Variants in DOCK10 observed in about 807,000 individuals in gnomAD.
DOCK10 encodes dedicator of cytokinesis protein 10.
Under a neutral mutation model 280.1 loss-of-function variants are expected in DOCK10, and 145 were observed. The ratio of observed to expected loss-of-function variants is 0.52; its 90% CI spans 0.45 to 0.59. DOCK10 has a LOEUF of 0.59. Ranked by LOEUF, DOCK10 falls within the 20% of genes least tolerant of loss-of-function variation. The pLI is 0.00. For missense variants in DOCK10, 2,368 were observed against 2,651.7 expected, an observed-to-expected ratio of 0.89 and a Z score of 2.35; for synonymous variants, 915 against 942.2, an observed-to-expected ratio of 0.97 and a Z score of 0.53.
chr2:224,770,075 GAGAAC>G lies in DOCK10; in HGVS notation c.6444+131_6444+135del. The G allele has an allele frequency of 9.8e-7, 1 of 1,024,478 alleles. No individual in the cohort carries two copies. The highest frequency in any genetic ancestry group is 1.3e-6 in the Non-Finnish European group (1 of 752,970). The allele number at this position is 1,024,478 out of a possible 1,614,324, so 63.5% of individuals were successfully genotyped here. A position where few individuals can be genotyped will look rare whatever the true frequency, so the allele number is the denominator to read the frequency against. ...GGCACGAGGTGGTGTGCACGGGAGAGAGAACAGATCAGCAACATGGTGCTGATGCA... is the reference window on the plus strand; with the variant it reads ...GGCACGAGGTGGTGTGCACGGGAGAGAGATCAGCAACATGGTGCTGATGCA... On this transcript the variant is annotated intron_variant, in intron 55 of 55. Transcript: ENST00000258390. This position sits in a 1 kb window ranked among gnomAD's most constrained non-coding sequence, Gnocchi z 4.5.
At chr2:224,969,096 TC>T (rs1378265816) in intron 1 of DOCK10, among the ~76,000 whole-genome samples, 3 of 152,220 alleles carry the variant, frequency 2.0e-5, no homozygotes, top group Admixed American at 2.0e-4. Context: ...TTTGGCGGTC[TC>T]AGTTTGAAAT....
chr2:224,890,805 G>T (rs761800005), intron 4 of DOCK10, among the ~76,000 whole-genome samples: 3 of 152,180 alleles, frequency 2.0e-5, no homozygotes, highest in Non-Finnish European at 4.4e-5. Flanking sequence ...CTCTTTGGGG[G>T]TGATAACATT....
In DOCK10 at chr2:224,808,028, A is replaced by C; in HGVS notation, c.3468T>G (p.Ile1156Met). Residue 1156 changes from isoleucine to methionine, a missense_variant, in exon 32 of 56, where the codon ATT becomes ATG. Physicochemically the swap from Ile to Met is conservative, Grantham distance 10. This residue lies in a region of DOCK10 where 1,159 missense variants were observed against 1,400.8 expected (regional missense o/e 0.83). Transcript: ENST00000258390. ...GGGCAAAGCCAACTTCTCGGAGCAG[A>C]ATTCCGATTAAGAAGTGTTTGCGAC... ...EFCRKHFLIG[I>M]LLREVGFALQ... 6.2e-7 allele frequency: 1 copy of C among 1,612,852 alleles called. No homozygotes were observed. The highest frequency in any genetic ancestry group is 1.1e-5 in the South Asian group (1 of 90,888).
At chr2:225,036,270 G>A (rs1442537660) in intron 1 of DOCK10, among the ~76,000 whole-genome samples, 7 of 152,128 alleles carry the variant, frequency 4.6e-5, no homozygotes, top group Admixed American at 2.0e-4. Context: ...GGTAGATGGA[G>A]GAGAGAATAT....
chr2:224,773,724 T>C (rs1398053424), intron 52 of DOCK10, among the ~76,000 whole-genome samples: 1 of 151,952 alleles, frequency 6.6e-6, no homozygotes, highest in African/African-American at 2.4e-5. Flanking sequence ...CTCCGCCTTC[T>C]GGGTTCAAGT....
chr2:224,862,258 G>A lies in DOCK10; in HGVS notation c.1685+406C>T, dbSNP rs541215909. 3.8e-5 allele frequency: 6 copies of A among 159,882 alleles called. No homozygotes were observed. In the East Asian group the frequency reaches 8.9e-4, roughly 24 times the overall value. 9.9% of individuals were successfully genotyped at this position (159,882 alleles called of 1,614,324 possible). ...GTCCATATATAGACCTGAGCTCTAC[G>A]CATAAATGAAAACAAACAGCTGCAT... On this transcript the variant is annotated intron_variant, in intron 14 of 55. Coordinates refer to ENST00000258390, the MANE Select transcript of DOCK10 (RefSeq NM_014689.3).
intron 26 of DOCK10, among the ~76,000 whole-genome samples, chr2:224,831,059 G>A (rs867397498): frequency 7.9e-5 from 12 of 151,938 alleles, no homozygotes; most frequent in Middle Eastern, 6.8e-3. Flanking sequence ...TCAGTCTCCC[G>A]GACAGCTGCG....
intron 39 of DOCK10, among the ~76,000 whole-genome samples, chr2:224,802,357 G>A (rs1693072183): frequency 6.6e-6 from 1 of 152,106 alleles, no homozygotes; most frequent in Non-Finnish European, 1.5e-5. Context: ...GTTGGCTACT[G>A]GCTGATCAGG....
At chr2:224,986,872 T>C (rs1705988881) in intron 1 of DOCK10, among the ~76,000 whole-genome samples, 1 of 152,154 alleles carries the variant, frequency 6.6e-6, no homozygotes, top group African/African-American at 2.4e-5. Flanking sequence ...GGGAAAACCA[T>C]ATTCTAACAG....
intron 1 of DOCK10, among the ~76,000 whole-genome samples, chr2:224,964,668 C>G (rs1383658059): frequency 6.6e-6 from 1 of 152,098 alleles, no homozygotes; most frequent in South Asian, 2.1e-4. Flanking sequence ...CCATGCCTGG[C>G]GTGGCCTTTG....
chr2:224,941,658 A>G (rs1703087849), intron 1 of DOCK10, among the ~76,000 whole-genome samples: 1 of 152,080 alleles, frequency 6.6e-6, no homozygotes, highest in Admixed American at 6.5e-5. Context: ...AGCCTGGCCA[A>G]CATGGTGAAA....
In DOCK10 at chr2:224,767,062, G is replaced by A. The variant is rs149328806; in HGVS notation, c.6445-1225C>T. On this transcript the variant is annotated intron_variant, in intron 55 of 55. Transcript: ENST00000258390. ...TATGTAGCTGAAACAGCAGAAGGAC[G>A]AACATAACTACATTTTTTAGTTTTA... is the stretch of plus-strand genomic sequence containing the variant. Among the ~76,000 whole-genome samples the A allele has an allele frequency of 3.2e-4, 49 of 152,290 alleles. 2 individuals are homozygous for A. Among genetic ancestry groups the A allele is most frequent in the African/African-American group, 1.1e-3 (46 of 41,568 alleles).
intron 3 of DOCK10, among the ~76,000 whole-genome samples, chr2:224,903,895 T>G (rs1700446794): frequency 6.6e-6 from 1 of 152,188 alleles, no homozygotes; most frequent in African/African-American, 2.4e-5. Context: ...GAATAGAAAA[T>G]AAGTTTCTTC....
intron 3 of DOCK10, among the ~76,000 whole-genome samples, chr2:224,906,561 C>T (rs932689832): frequency 1.3e-5 from 2 of 152,178 alleles, no homozygotes; most frequent in Non-Finnish European, 2.9e-5. Flanking sequence ...TCACTGCAAG[C>T]TCCACCTCCT....
At chr2:224,778,529 C>A (rs1286959366) in intron 50 of DOCK10, 2 of 517,596 alleles carry the variant, frequency 3.9e-6, no homozygotes, top group Non-Finnish European at 7.0e-6. Flanking sequence ...AAATATCTTA[C>A]AAATATTATT....
At chr2:224,977,608 C>CGA (rs1705511330) in intron 1 of DOCK10, among the ~76,000 whole-genome samples, 1 of 152,130 alleles carries the variant, frequency 6.6e-6, no homozygotes, top group Non-Finnish European at 1.5e-5. Flanking sequence ...TGTTAATTCT[C>CGA]CCACCAAAAA....
At chr2:224,968,069 AC>A (rs1403594496) in intron 1 of DOCK10, among the ~76,000 whole-genome samples, 1 of 152,196 alleles carries the variant, frequency 6.6e-6, no homozygotes, top group African/African-American at 2.4e-5. Context: ...CTAAATCTAA[AC>A]TTTTGAACAT....
chr2:224,884,981 C>T (rs1279785648), intron 7 of DOCK10, among the ~76,000 whole-genome samples: 1 of 151,888 alleles, frequency 6.6e-6, no homozygotes, highest in East Asian at 1.9e-4. Flanking sequence ...AACTTGCTGC[C>T]TTTGCTTATT....
chr2:224,862,794 A>T, intron 13 of DOCK10, 48 bp from the exon 14 acceptor site: 1 of 1,135,900 alleles, frequency 8.8e-7, no homozygotes, highest in Non-Finnish European at 1.3e-6. Context: ...CACTTTATAA[A>T]CTGTACATAT....
Sources: allele counts gnomAD v4.1 joint callset (sites outside exome capture counted in the v4.1 genomes callset), GRCh38; gene constraint gnomAD v4.1.1; regional missense constraint gnomAD v4.1.1; non-coding constraint Gnocchi (gnomAD v3.1); transcripts MANE v1.5; gene names NCBI Gene and HGNC (gene_info 2026-07-23, HGNC 2026-07-21).